BLNK: variants seen among roughly 807,000 people sequenced by gnomAD.
The protein encoded by BLNK is B cell linker, also known as B-cell linker protein.
BLNK carries 29 observed loss-of-function variants against 73.5 expected under a neutral mutation model. The observed-to-expected ratio is 0.39, with a 90% CI of 0.29 to 0.54. BLNK has a LOEUF of 0.54. Ranked by LOEUF, BLNK falls within the 20% of genes least tolerant of loss-of-function variation. The probability of loss-of-function intolerance (pLI) is 0.61; values close to 1 mark genes in which losing one functional copy is unlikely to be tolerated. For synonymous variants in BLNK, 176 were observed against 200.8 expected, an observed-to-expected ratio of 0.88 and a Z score of 1.04; for missense variants, 460 against 562.8, an observed-to-expected ratio of 0.82 and a Z score of 1.85.
intron 4 of BLNK, among the ~76,000 whole-genome samples, chr10:96,230,081 G>A (rs2134041487): frequency 6.6e-6 from 1 of 152,290 alleles, no homozygotes; most frequent in East Asian, 1.9e-4. Flanking sequence ...TAACATTCTG[G>A]ATGAATTTGA....
intron 1 of BLNK, among the ~76,000 whole-genome samples, chr10:96,247,748 A>T (rs1211662597): frequency 6.6e-6 from 1 of 152,210 alleles, no homozygotes; most frequent in Non-Finnish European, 1.5e-5. Context: ...GACTGGTCCC[A>T]GGCCAAGTCT....
At chr10:96,226,612 G>A (rs782496496) in intron 5 of BLNK, among the ~76,000 whole-genome samples, 15 of 152,210 alleles carry the variant, frequency 9.9e-5, no homozygotes, top group Middle Eastern at 6.8e-3. Flanking sequence ...AGGCCGAGGC[G>A]GTTGTATCAC....
chr10:96,230,705 G>T, intron 4 of BLNK, 89 bp downstream of exon 4: 1 of 1,452,854 alleles, frequency 6.9e-7, no homozygotes, highest in South Asian at 1.2e-5. Flanking sequence ...ACGTGCGGCT[G>T]ACCACCAGCA....
At chr10:96,195,842 A>G (rs1591291127) in intron 16 of BLNK, among the ~76,000 whole-genome samples, 1 of 152,260 alleles carries the variant, frequency 6.6e-6, no homozygotes, top group African/African-American at 2.4e-5. Flanking sequence ...TAAAGAATAC[A>G]CATGACTTTT....
intron 7 of BLNK, chr10:96,216,066 G>C (rs2134000374): frequency 1.2e-5 from 2 of 167,460 alleles, no homozygotes; most frequent in Middle Eastern, 6.3e-3. Context: ...CACTTGTACT[G>C]GATCATATTC....
chr10:96,238,781 A>G, intron 3 of BLNK: 1 of 198,194 alleles, frequency 5.0e-6, no homozygotes, highest in African/African-American at 2.3e-5. Context: ...CAAAGCAATA[A>G]GATGCATTTC....
chr10:96,233,394 A>T (rs1554904453), intron 3 of BLNK, among the ~76,000 whole-genome samples: 1 of 152,190 alleles, frequency 6.6e-6, no homozygotes, highest in Non-Finnish European at 1.5e-5. Context: ...TTTTATTAAA[A>T]TAAAGTTTGG....
intron 4 of BLNK, among the ~76,000 whole-genome samples, chr10:96,229,671 T>TGTGTGA: frequency 6.6e-6 from 1 of 151,480 alleles, no homozygotes; most frequent in East Asian, 1.9e-4. Flanking sequence ...TGTGTGTGTG[T>TGTGTGA]GTGTGTGTGT....
intron 5 of BLNK, among the ~76,000 whole-genome samples, chr10:96,226,204 G>A (rs1376371473): frequency 6.6e-6 from 1 of 152,170 alleles, no homozygotes; most frequent in Admixed American, 6.5e-5. Flanking sequence ...AGACCCCCAG[G>A]GGAAAGCACT....
chr10:96,230,614 C>G (rs112540329), intron 4 of BLNK, among the ~76,000 whole-genome samples, 180 bp downstream of exon 4: 2 of 152,194 alleles, frequency 1.3e-5, no homozygotes, highest in Non-Finnish European at 2.9e-5. Context: ...CTTAGCCAGG[C>G]GCACACTGAG....
At chr10:96,205,479 G>T (rs1554897228) in intron 11 of BLNK, among the ~76,000 whole-genome samples, 1 of 152,176 alleles carries the variant, frequency 6.6e-6, no homozygotes, top group Non-Finnish European at 1.5e-5. Flanking sequence ...ATTCAGTGGT[G>T]CACTAAAGCT....
At chr10:96,250,410 GA>G (rs1360455182) in intron 1 of BLNK, among the ~76,000 whole-genome samples, 1 of 133,982 alleles carries the variant, frequency 7.5e-6, no homozygotes, top group Non-Finnish European at 1.7e-5. Flanking sequence ...GACAGAGAGA[GA>G]GGGGGAGAGA....
intron 1 of BLNK, among the ~76,000 whole-genome samples, chr10:96,263,048 A>G (rs1352437959): frequency 1.3e-5 from 2 of 152,202 alleles, no homozygotes; most frequent in Non-Finnish European, 1.5e-5. Context: ...GTGCTTCTCC[A>G]TGGAAGCCTG....
At chr10:96,207,921 GC>G in intron 9 of BLNK, 22 bp from the exon 10 acceptor site, 2 of 1,613,280 alleles carry the variant, frequency 1.2e-6, no homozygotes, top group Non-Finnish European at 1.7e-6. Context: ...AAAGAGATGA[GC>G]TTTGTTAAAA....
chr10:96,207,951 G>A, intron 9 of BLNK, 52 bp from the exon 10 acceptor site: 5 of 1,572,846 alleles, frequency 3.2e-6, no homozygotes, highest in Non-Finnish European at 4.4e-6. Flanking sequence ...AGACAAAATG[G>A]AGCTATTTAC....
intron 10 of BLNK, 106 bp downstream of exon 10, chr10:96,207,766 G>T (rs1401696650): frequency 2.9e-6 from 4 of 1,372,742 alleles, no homozygotes; most frequent in Non-Finnish European, 4.1e-6. Context: ...CAGTTGCTAA[G>T]ATTGCTGTGT....
chr10:96,251,886 A>G (rs1843299549), intron 1 of BLNK, among the ~76,000 whole-genome samples: 1 of 152,130 alleles, frequency 6.6e-6, no homozygotes, highest in South Asian at 2.1e-4. Context: ...TAGAAAAGTC[A>G]CCATTTGAAA....
At chr10:96,210,187 C>T (rs1795685883) in intron 8 of BLNK, 1 of 452,904 alleles carries the variant, frequency 2.2e-6, no homozygotes, top group African/African-American at 2.0e-5. Context: ...CGCCCCCTGC[C>T]CCATGGGGCA....
intron 2 of BLNK, among the ~76,000 whole-genome samples, chr10:96,245,745 C>T (rs183956254): frequency 6.3e-4 from 96 of 152,124 alleles, no homozygotes; most frequent in East Asian, 2.3e-3. Flanking sequence ...CCATTTATGA[C>T]GAAAATGTAT....
Sources: allele counts gnomAD v4.1 joint callset (sites outside exome capture counted in the v4.1 genomes callset), GRCh38; gene constraint gnomAD v4.1.1; transcripts MANE v1.5; gene names NCBI Gene and HGNC (gene_info 2026-07-23, HGNC 2026-07-21).